Variants in PPP6R1 observed in about 807,000 individuals in gnomAD.
PPP6R1 encodes serine/threonine-protein phosphatase 6 regulatory subunit 1.
PPP6R1 carries 39 observed loss-of-function variants against 104.6 expected under a neutral mutation model. The ratio of observed to expected loss-of-function variants is 0.37; its 90% CI spans 0.29 to 0.49. PPP6R1 has a LOEUF of 0.49. Ranked by LOEUF, PPP6R1 falls within the 20% of genes least tolerant of loss-of-function variation. PPP6R1 has a pLI of 0.98. For synonymous variants in PPP6R1, 549 were observed against 479.0 expected (o/e 1.15, Z -1.91); for missense variants, 1,181 against 1,155.8 (o/e 1.02, Z -0.32).
chr19:55,246,168 G>T (rs138137749), intron 2 of PPP6R1, among the ~76,000 whole-genome samples: 121 of 152,338 alleles, frequency 7.9e-4, no homozygotes, highest in African/African-American at 2.9e-3. Context: ...TCTGCTCCAG[G>T]ACTGTGGGGA....
chr19:55,237,940 C>T (rs1468583398), intron 15 of PPP6R1, among the ~76,000 whole-genome samples: 1 of 152,212 alleles, frequency 6.6e-6, no homozygotes, highest in African/African-American at 2.4e-5. Context: ...AACTTCTTAA[C>T]CCCTCTGGAA....
At position 55,239,703 on chromosome 19, in the gene PPP6R1, T is replaced by TCAGGG. The variant is rs753295454; in HGVS notation, c.1564-25_1564-21dup. The stretch of plus-strand genomic sequence containing the variant: ...GTTCACCTGGGGAGAGGAGGGGGCG[T>TCAGGG]CAGGGCCTGCTGGAGCCCCCAGACC... On this transcript the variant is annotated intron_variant, in intron 13 of 23. Coordinates refer to ENST00000412770, the MANE Select transcript of PPP6R1 (RefSeq NM_014931.4). 1.2e-6 allele frequency: 2 copies of TCAGGG among 1,600,688 alleles called. No individual in the cohort carries two copies. Among genetic ancestry groups the TCAGGG allele is most frequent in the Admixed American group, 3.4e-5 (2 of 58,608 alleles).
chr19:55,249,797 G>A (rs553252849), intron 1 of PPP6R1, among the ~76,000 whole-genome samples: 299 of 151,976 alleles, frequency 2.0e-3, no homozygotes, highest in African/African-American at 6.9e-3. Flanking sequence ...TCGAGATTGC[G>A]CCACTGCACT....
chr19:55,256,229 G>A (rs2087592199), intron 1 of PPP6R1, among the ~76,000 whole-genome samples: 1 of 152,238 alleles, frequency 6.6e-6, no homozygotes, highest in South Asian at 2.1e-4. Context: ...AGTCACAACA[G>A]AGCAAATAAG....
At chr19:55,257,507 C>T (rs2087602239) in intron 1 of PPP6R1, among the ~76,000 whole-genome samples, 1 of 152,238 alleles carries the variant, frequency 6.6e-6, no homozygotes, top group Admixed American at 6.5e-5. Flanking sequence ...CCCTCACCCT[C>T]CCAATACATC....
intron 5 of PPP6R1, among the ~76,000 whole-genome samples, chr19:55,243,878 C>A (rs559501897): frequency 6.6e-6 from 1 of 152,322 alleles, no homozygotes; most frequent in East Asian, 1.9e-4. Context: ...GTCTCAAACT[C>A]CTGGGCTCAA....
At chr19:55,230,726 C>T in intron 22 of PPP6R1, 42 bp from the exon 23 acceptor site, 1 of 1,502,694 alleles carries the variant, frequency 6.7e-7, no homozygotes, top group Non-Finnish European at 8.9e-7. Context: ...CACTTCCTGC[C>T]CCACCAGCCC....
chr19:55,249,008 A>C lies in PPP6R1; in HGVS notation c.-6-1899T>G, dbSNP rs942872330. Among the ~76,000 whole-genome samples the C allele has an allele frequency of 4.6e-5, 7 of 152,288 alleles. No individual in the cohort carries two copies. In the East Asian group the frequency reaches 5.8e-4, roughly 13 times the overall value. ...TGCCCGTCTGCCTCGGTAACTCTAG[A>C]TTGGCAACAATCTTGATATAACACT... On this transcript the variant is annotated intron_variant, in intron 1 of 23. Coordinates refer to ENST00000412770, the MANE Select transcript of PPP6R1 (RefSeq NM_014931.4).
Position 55,240,217 on chromosome 19 carries a change from A to G in PPP6R1, c.1361+19T>C. 5 of 1,580,638 alleles carry G rather than the reference A, an allele frequency of 3.2e-6. No homozygotes were observed. The highest frequency in any genetic ancestry group is 4.3e-6 in the Non-Finnish European group (5 of 1,163,794). Reference sequence around the variant, plus strand: ...GGCAGCCCCAGCCCCTGGAGACATGAAGGGCAGCAGGTGCTCACTGTACAC... The same window carrying G: ...GGCAGCCCCAGCCCCTGGAGACATGGAGGGCAGCAGGTGCTCACTGTACAC... On this transcript the variant is annotated intron_variant, in intron 11 of 23. Coordinates refer to ENST00000412770, the MANE Select transcript of PPP6R1 (RefSeq NM_014931.4).
chr19:55,231,897 A>T lies in PPP6R1; in HGVS notation c.2211T>A (p.Thr737=), dbSNP rs2087351798. ...PRVSGEEELH[T]GPPAPQGPLS... ...GGGGCCCCTGTGGGGCTGGAGGCCCAGTGTGCAGCTCTTCCTCCCCGGAGA... is the reference window on the plus strand; with the variant it reads ...GGGGCCCCTGTGGGGCTGGAGGCCCTGTGTGCAGCTCTTCCTCCCCGGAGA... Residue 737 remains threonine (T), a synonymous_variant, in exon 19 of 24, where the codon ACT becomes ACA. Coordinates refer to ENST00000412770, the MANE Select transcript of PPP6R1 (RefSeq NM_014931.4). 6.6e-7 allele frequency: 1 copy of T among 1,520,736 alleles called. No homozygotes were observed. The highest frequency in any genetic ancestry group is 1.4e-5 in the African/African-American group (1 of 72,290). The allele number at this position is 1,520,736 out of a possible 1,614,324, so 94.2% of individuals were successfully genotyped here. A position where few individuals can be genotyped will look rare whatever the true frequency, so the allele number is the denominator to read the frequency against.
chr19:55,239,898 C>T lies in PPP6R1; in HGVS notation c.1491G>A (p.Glu497=). ...LRQLLKELPS[E]QQEQWEAFVS... ...CGAAGGCTTCCCACTGCTCCTGCTGCTCGCTGGGCAGCTCTGCTTAGGTGA... is the reference window on the plus strand; with the variant it reads ...CGAAGGCTTCCCACTGCTCCTGCTGTTCGCTGGGCAGCTCTGCTTAGGTGA... The change falls in exon 13 of 24, where the codon GAG becomes GAA. Residue 497 remains glutamate, a synonymous_variant. Transcript: ENST00000412770. The T allele has an allele frequency of 6.2e-7, 1 of 1,613,928 alleles. No individual in the cohort carries two copies. Among genetic ancestry groups the T allele is most frequent in the Non-Finnish European group, 8.5e-7 (1 of 1,179,864 alleles).
At chr19:55,242,325 G>A in intron 6 of PPP6R1, 46 bp from the exon 7 acceptor site, 1 of 1,612,748 alleles carries the variant, frequency 6.2e-7, no homozygotes, top group Admixed American at 1.7e-5. Flanking sequence ...CAGGGGCCCA[G>A]GGCTTCCCCA....
chr19:55,239,572 C>T (rs1205751821), intron 14 of PPP6R1, 22 bp downstream of exon 14: 1 of 1,609,006 alleles, frequency 6.2e-7, no homozygotes, highest in South Asian at 1.1e-5. Flanking sequence ...CCCAGCACAG[C>T]CCCACATAGC....
At chr19:55,246,290 G>A (rs2087507581) in intron 2 of PPP6R1, among the ~76,000 whole-genome samples, 1 of 152,028 alleles carries the variant, frequency 6.6e-6, no homozygotes, top group African/African-American at 2.4e-5. Flanking sequence ...AATTAGCTGG[G>A]CGTGCTGGCT....
rs780568304 is a variant in PPP6R1 at position 55,247,123 on chromosome 19, C to T, written c.-6-14G>A. 2 of 1,609,162 alleles carry T rather than the reference C, an allele frequency of 1.2e-6. No individual in the cohort carries two copies. Among genetic ancestry groups the T allele is most frequent in the Non-Finnish European group, 1.7e-6 (2 of 1,178,278 alleles). Reference sequence around the variant, plus strand: ...AAACATGGCGCCCTGCAGGCATAGACACAACCAGCGCCGCGTCAGACGCCC... The same window carrying T: ...AAACATGGCGCCCTGCAGGCATAGATACAACCAGCGCCGCGTCAGACGCCC... On this transcript the variant is annotated splice_polypyrimidine_tract_variant and intron_variant, in intron 1 of 23. Coordinates refer to ENST00000412770, the MANE Select transcript of PPP6R1 (RefSeq NM_014931.4).
At chr19:55,228,547 C>G (rs548645595), downstream of PPP6R1, 54 of 1,534,854 alleles carry the variant, frequency 3.5e-5, no homozygotes, top group Admixed American at 1.0e-3. Context: ...GCTGTACAGG[C>G]TGGACCCATT....
rs754780164 is a variant in PPP6R1, at chr19:55,240,033, C to A, written c.1443G>T (p.Gly481=). Residue 481 remains glycine, a synonymous_variant, in exon 12 of 24, where the codon GGG becomes GGT. Coordinates refer to ENST00000412770, the MANE Select transcript of PPP6R1 (RefSeq NM_014931.4). ...AGALVQNTEK[G]PNAEQLRQLL... is the part of the protein sequence containing the mutation. ...GCTGCCGCAGCTGCTCTGCATTGGG[C>A]CCCTTCTCCGTGTTCTGCACCAGGG... 1 of 1,603,664 alleles carries A rather than the reference C, an allele frequency of 6.2e-7. No homozygotes were observed. Among genetic ancestry groups the A allele is most frequent in the Admixed American group, 1.7e-5 (1 of 59,128 alleles).
intron 17 of PPP6R1, among the ~76,000 whole-genome samples, chr19:55,235,514 G>A (rs1322211023): frequency 6.6e-6 from 1 of 150,628 alleles, no homozygotes; most frequent in Non-Finnish European, 1.5e-5. Flanking sequence ...ATTTGAATTA[G>A]ATTCCTTTTT....
chr19:55,242,398 G>T lies in PPP6R1; in HGVS notation c.709C>A (p.Gln237Lys), dbSNP rs2087466851. The change falls in exon 6 of 24, where the codon CAA (glutamine) becomes AAA (lysine). Residue 237 changes from glutamine (Q) to lysine (K), a missense_variant. Gln to Lys is a moderately conservative substitution (Grantham distance 53). Around this residue, in one of 2 missense-constraint regions of PPP6R1, gnomAD observed 1,042 missense variants for 955.6 expected, o/e 1.09. Coordinates refer to ENST00000412770, the MANE Select transcript of PPP6R1 (RefSeq NM_014931.4). ...CACTTCTCCAGGGTGGCCAGCAGTTGGTCAGGCTCTGGGCTGTCCTGGACT... is the reference window on the plus strand; with the variant it reads ...CACTTCTCCAGGGTGGCCAGCAGTTTGTCAGGCTCTGGGCTGTCCTGGACT... Reference protein sequence around the residue: ...IQVQDSPEPDQLLATLEKQET... With the variant: ...IQVQDSPEPDKLLATLEKQET... 6.2e-7 allele frequency: 1 copy of T among 1,613,686 alleles called. No individual in the cohort carries two copies. The highest frequency in any genetic ancestry group is 1.3e-5 in the African/African-American group (1 of 74,942).
Sources: allele counts gnomAD v4.1 joint callset (sites outside exome capture counted in the v4.1 genomes callset), GRCh38; gene constraint gnomAD v4.1.1; regional missense constraint gnomAD v4.1.1; transcripts MANE v1.5; gene names NCBI Gene and HGNC (gene_info 2026-07-23, HGNC 2026-07-21).